SRC: variants seen among roughly 807,000 people sequenced by gnomAD.
The protein encoded by SRC is proto-oncogene tyrosine-protein kinase Src.
SRC carries 13 observed loss-of-function variants against 62.9 expected under a neutral mutation model. The ratio of observed to expected loss-of-function variants is 0.21; its 90% CI spans 0.13 to 0.33. The LOEUF is 0.33. SRC is among the 10% of genes least tolerant of loss of function. SRC has a pLI of 1.00. For synonymous variants in SRC, 302 were observed against 317.5 expected (o/e 0.95, Z 0.52); for missense variants, 457 against 737.3 (o/e 0.62, Z 4.40).
chr20:37,386,355 C>T lies in SRC; in HGVS notation c.350+181C>T, dbSNP rs571295819. 321 of 729,138 alleles carry T rather than the reference C, an allele frequency of 4.4e-4. No individual in the cohort carries two copies. In the African/African-American group the frequency reaches 4.5e-3, roughly 10 times the overall value. 45.2% of individuals were successfully genotyped at this position (729,138 alleles called of 1,614,324 possible). On this transcript the variant is annotated intron_variant, in intron 5 of 13. Transcript: ENST00000373578. ...TCGCCCTGGGCAGCACCTGCTGTTG[C>T]TCCCCCAGCCATGGGGAACTCCTCC...
chr20:37,399,598 G>A (rs1027251270), intron 9 of SRC, among the ~76,000 whole-genome samples: 3 of 151,238 alleles, frequency 2.0e-5, no homozygotes, highest in African/African-American at 4.9e-5. Flanking sequence ...AGGCTGGAGT[G>A]CAGTGGCACA....
chr20:37,347,809 C>G (rs563032109), intron 1 of SRC, among the ~76,000 whole-genome samples: 1 of 152,264 alleles, frequency 6.6e-6, no homozygotes, highest in Admixed American at 6.5e-5. Flanking sequence ...GTGACTTGAC[C>G]AAGGCCCTAT....
intron 6 of SRC, 73 bp from the exon 7 acceptor site, chr20:37,394,101 T>C: frequency 6.4e-7 from 1 of 1,563,200 alleles, no homozygotes; most frequent in South Asian, 1.1e-5. Context: ...GCCCCAGCCA[T>C]ATCCAGGGAG....
chr20:37,368,518 C>CT lies in SRC; in HGVS notation c.-173+3266dup, dbSNP rs1352624429. Among the ~76,000 whole-genome samples, 387 of 73,906 alleles carry CT rather than the reference C, an allele frequency of 5.2e-3. 7 individuals are homozygous for CT. The highest frequency in any genetic ancestry group is 0.015 in the Middle Eastern group (1 of 68). The allele number at this position is 73,906 out of a possible 152,430, so 48.5% of individuals were successfully genotyped here. On this transcript the variant is annotated intron_variant, in intron 2 of 13. Transcript: ENST00000373578. ...GTCATAACATTTATGCCTATATTTTCTTTTTTTTTTTTTTTTTTTTTTTTT... is the reference window on the plus strand; with the variant it reads ...GTCATAACATTTATGCCTATATTTTCTTTTTTTTTTTTTTTTTTTTTTTTTT...
At chr20:37,374,272 G>T (rs1378592872) in intron 2 of SRC, among the ~76,000 whole-genome samples, 1 of 151,872 alleles carries the variant, frequency 6.6e-6, no homozygotes, top group Non-Finnish European at 1.5e-5. Context: ...TAGAGACGGG[G>T]TTTCACCATA....
intron 2 of SRC, among the ~76,000 whole-genome samples, chr20:37,378,992 C>T (rs1269676756): frequency 3.9e-5 from 5 of 129,534 alleles, no homozygotes; most frequent in Non-Finnish European, 7.9e-5. Flanking sequence ...CAGGGGTTGT[C>T]GCTGAGTCAG....
chr20:37,362,884 G>T (rs569481778), intron 1 of SRC, among the ~76,000 whole-genome samples: 4 of 152,204 alleles, frequency 2.6e-5, no homozygotes, highest in Non-Finnish European at 5.9e-5. Context: ...CCACCCTGGT[G>T]TGCCAGTCTT....
chr20:37,373,171 T>C (rs185330539), intron 2 of SRC, among the ~76,000 whole-genome samples: 19 of 138,242 alleles, frequency 1.4e-4, no homozygotes, highest in Middle Eastern at 3.7e-3. Flanking sequence ...CACATATATG[T>C]ACACACATAC....
At chr20:37,363,788 GGTTAGGGAGACATGCAGAGC>G (rs2070016489) in intron 1 of SRC, among the ~76,000 whole-genome samples, 1 of 152,204 alleles carries the variant, frequency 6.6e-6, no homozygotes, top group South Asian at 2.1e-4. Context: ...TGGCCGTCCC[GGTTAGGGAGACATGCAGAGC>G]GTTAGGGATT....
Position 37,370,963 on chromosome 20 carries a change from T to TTTC in SRC, c.-173+5713_-173+5715dup, listed in dbSNP as rs536060536. Among the ~76,000 whole-genome samples the TTTC allele has an allele frequency of 7.2e-3, 1,054 of 147,390 alleles. 8 individuals are homozygous for TTTC. Among genetic ancestry groups the TTTC allele is most frequent in the South Asian group, 0.017 (83 of 4,752 alleles). ...GCTTTAGATTTATTTGAATTTTCTA[T>TTTC]TTCTTCTTCTTCTTCTTCTTCTTCT... On this transcript the variant is annotated intron_variant, in intron 2 of 13. Coordinates refer to ENST00000373578, the MANE Select transcript of SRC (RefSeq NM_198291.3).
chr20:37,403,457 G>C lies in SRC; in HGVS notation c.*78G>C, dbSNP rs2070775244. 1.4e-6 allele frequency: 2 copies of C among 1,425,762 alleles called. No homozygotes were observed. Among genetic ancestry groups the C allele is most frequent in the African/African-American group, 2.8e-5 (2 of 70,490 alleles). The allele number at this position is 1,425,762 out of a possible 1,614,324, so 88.3% of individuals were successfully genotyped here. On this transcript the variant is annotated 3_prime_UTR_variant, in exon 14 of 14. Coordinates refer to ENST00000373578, the MANE Select transcript of SRC (RefSeq NM_198291.3). The surrounding 1 kb of genome is among the most constrained non-coding windows in gnomAD (Gnocchi z 7.1). ...CCTGTCTCGGGGCTTGCCCCACTCT[G>C]CCTGCCTGCTGTTGGTCCTCTCTCT...
intron 5 of SRC, among the ~76,000 whole-genome samples, chr20:37,388,525 C>G (rs547034321): frequency 6.6e-6 from 1 of 152,206 alleles, no homozygotes; most frequent in African/African-American, 2.4e-5. Flanking sequence ...GCAGGAGGAT[C>G]GCTTGAACCC....
Position 37,400,218 on chromosome 20 carries a change from G to A in SRC, c.963G>A (p.Arg321=). Residue 321 remains arginine (R), a synonymous_variant, in exon 10 of 14, where the codon AGG becomes AGA. Coordinates refer to ENST00000373578, the MANE Select transcript of SRC (RefSeq NM_198291.3). The part of the protein sequence containing the change: ...LQEAQVMKKL[R]HEKLVQLYAV... ...AGGCCCAGGTCATGAAGAAGCTGAG[G>A]CATGAGAAGCTGGTGCAGTTGTATG... is the stretch of plus-strand genomic sequence containing the variant. The A allele has an allele frequency of 6.2e-7, 1 of 1,614,134 alleles. No homozygotes were observed. Among genetic ancestry groups the A allele is most frequent in the Non-Finnish European group, 8.5e-7 (1 of 1,179,986 alleles).
intron 5 of SRC, among the ~76,000 whole-genome samples, chr20:37,389,389 T>G (rs1422762835): frequency 6.6e-6 from 1 of 152,204 alleles, no homozygotes; most frequent in African/African-American, 2.4e-5. Context: ...TCTGCCTCCT[T>G]GCCCCCGGCA....
intron 1 of SRC, among the ~76,000 whole-genome samples, chr20:37,346,928 C>T (rs1050688953): frequency 6.6e-6 from 1 of 152,252 alleles, no homozygotes; most frequent in African/African-American, 2.4e-5. Flanking sequence ...CACCTGTCTG[C>T]CTGGGCTGGG....
At chr20:37,370,385 G>A (rs1023236470) in intron 2 of SRC, among the ~76,000 whole-genome samples, 2 of 152,178 alleles carry the variant, frequency 1.3e-5, no homozygotes, top group African/African-American at 4.8e-5. Flanking sequence ...AACCAGCCTG[G>A]CCAACATGGC....
At chr20:37,357,756 A>G (rs915965051) in intron 1 of SRC, among the ~76,000 whole-genome samples, 64 of 152,330 alleles carry the variant, frequency 4.2e-4, no homozygotes, top group African/African-American at 1.1e-3. Context: ...GGGTGTATCA[A>G]GAAACAGGTG....
At chr20:37,352,897 C>T (rs2069827768) in intron 1 of SRC, among the ~76,000 whole-genome samples, 1 of 152,220 alleles carries the variant, frequency 6.6e-6, no homozygotes, top group African/African-American at 2.4e-5. Context: ...ATGCTTCTGG[C>T]TTCAGAAGGC....
At chr20:37,387,753 C>T (rs1205112123) in intron 5 of SRC, among the ~76,000 whole-genome samples, 1 of 152,134 alleles carries the variant, frequency 6.6e-6, no homozygotes, top group Non-Finnish European at 1.5e-5. Flanking sequence ...GTGGCGGGTG[C>T]CCAGCAGGTG....
Sources: allele counts gnomAD v4.1 joint callset (sites outside exome capture counted in the v4.1 genomes callset), GRCh38; gene constraint gnomAD v4.1.1; non-coding constraint Gnocchi (gnomAD v3.1); transcripts MANE v1.5; gene names NCBI Gene and HGNC (gene_info 2026-07-23, HGNC 2026-07-21).